The following CSMD1 variants were observed in gnomAD, a reference collection of about 807,000 sequenced individuals.
The protein encoded by CSMD1 is CUB and sushi domain-containing protein 1.
CSMD1 carries 213 observed loss-of-function variants against 417.5 expected under a neutral mutation model. The ratio of observed to expected loss-of-function variants is 0.51; its 90% CI spans 0.46 to 0.57. The LOEUF is 0.57. Ranked by LOEUF, CSMD1 falls within the 20% of genes least tolerant of loss-of-function variation. CSMD1 has a pLI of 0.00. For synonymous variants in CSMD1, 2,862 were observed against 1,736.8 expected (o/e 1.65, Z -16.11); for missense variants, 6,923 against 4,529.7 (o/e 1.53, Z -15.17).
chr8:3,304,893 C>A (rs1467705384), intron 25 of CSMD1, among the ~76,000 whole-genome samples: 1 of 151,996 alleles, frequency 6.6e-6, no homozygotes, highest in Non-Finnish European at 1.5e-5. Flanking sequence ...ATGTGAAATT[C>A]TTCTAAAAGA....
intron 54 of CSMD1, among the ~76,000 whole-genome samples, chr8:2,997,132 T>A (rs1465237597): frequency 6.6e-6 from 1 of 152,198 alleles, no homozygotes; most frequent in Non-Finnish European, 1.5e-5. Context: ...GTTTCATCAG[T>A]GTGTTGGTCA....
At chr8:3,222,166 G>T (rs1019462989) in intron 28 of CSMD1, among the ~76,000 whole-genome samples, 2 of 152,110 alleles carry the variant, frequency 1.3e-5, no homozygotes, top group African/African-American at 4.8e-5. Context: ...GTTGGGAGAG[G>T]CTTAGAGATT....
At chr8:4,298,835 A>C (rs28411109) in intron 3 of CSMD1, among the ~76,000 whole-genome samples, 44 of 152,018 alleles carry the variant, frequency 2.9e-4, no homozygotes, top group Admixed American at 2.4e-3. Context: ...AAGTATAATA[A>C]AAAATTATTT....
At chr8:4,723,811 AC>A (rs1420939659) in intron 1 of CSMD1, among the ~76,000 whole-genome samples, 112 of 151,002 alleles carry the variant, frequency 7.4e-4, no homozygotes, top group South Asian at 1.5e-3. Context: ...CAAAAAAAAA[AC>A]AAAACAAAAC....
intron 1 of CSMD1, among the ~76,000 whole-genome samples, chr8:4,927,600 A>T (rs149311326): frequency 0.011 from 1,629 of 152,270 alleles, 15 homozygotes; most frequent in Non-Finnish European, 0.018. Flanking sequence ...GAGGTTCTTC[A>T]TGGCATCCTA....
intron 3 of CSMD1, among the ~76,000 whole-genome samples, chr8:4,051,915 T>TCTTA (rs1461421449): frequency 2.3e-4 from 32 of 137,100 alleles, no homozygotes; most frequent in African/African-American, 8.9e-4. Flanking sequence ...TTCCTTCCTT[T>TCTTA]CTTTCTTTTT....
At chr8:3,411,582 T>C (rs1287248407) in intron 12 of CSMD1, among the ~76,000 whole-genome samples, 1 of 151,308 alleles carries the variant, frequency 6.6e-6, no homozygotes, top group East Asian at 2.0e-4. Flanking sequence ...CTTAGAATAA[T>C]AGTCTCCAAT....
intron 2 of CSMD1, among the ~76,000 whole-genome samples, chr8:4,457,079 G>A (rs916071520): frequency 6.6e-6 from 1 of 151,784 alleles, no homozygotes; most frequent in Non-Finnish European, 1.5e-5. Flanking sequence ...GGTGTGTCTG[G>A]CACAGAGAAA....
intron 2 of CSMD1, among the ~76,000 whole-genome samples, chr8:4,605,662 GC>G (rs1179553385): frequency 6.6e-6 from 1 of 152,090 alleles, no homozygotes; most frequent in Admixed American, 6.5e-5. Context: ...TCCTTATAAT[GC>G]TTTAACATAT....
intron 8 of CSMD1, among the ~76,000 whole-genome samples, chr8:3,609,998 C>G (rs2469332): frequency 0.12 from 18,394 of 151,662 alleles, 1,203 homozygotes; most frequent in Non-Finnish European, 0.14. Context: ...GACAGGATTT[C>G]AACTTGTTGG....
At chr8:3,292,160 G>A (rs1262475831) in intron 25 of CSMD1, among the ~76,000 whole-genome samples, 2 of 152,178 alleles carry the variant, frequency 1.3e-5, no homozygotes, top group African/African-American at 4.8e-5. Flanking sequence ...TTTATCTTGA[G>A]TTCTAGTTTG....
intron 3 of CSMD1, among the ~76,000 whole-genome samples, chr8:4,342,818 A>G (rs1800556330): frequency 6.6e-6 from 1 of 151,732 alleles, no homozygotes; most frequent in Admixed American, 6.6e-5. Flanking sequence ...CTGCCACAAC[A>G]TCGCAAAGAA....
intron 3 of CSMD1, among the ~76,000 whole-genome samples, chr8:4,186,138 C>A (rs1403192718): frequency 6.6e-6 from 1 of 152,100 alleles, no homozygotes; most frequent in Non-Finnish European, 1.5e-5. Context: ...GATTTGGCAT[C>A]CAGAGGCCAC....
chr8:3,877,139 T>G (rs1259248160), intron 5 of CSMD1, among the ~76,000 whole-genome samples: 1 of 152,190 alleles, frequency 6.6e-6, no homozygotes, highest in Non-Finnish European at 1.5e-5. Flanking sequence ...AATTTTGCAC[T>G]TTCCCCATCC....
At chr8:4,134,999 C>T (rs1420592461) in intron 3 of CSMD1, among the ~76,000 whole-genome samples, 4 of 152,214 alleles carry the variant, frequency 2.6e-5, no homozygotes, top group African/African-American at 4.8e-5. Context: ...TTCTCTTCTG[C>T]CTCTAGAATT....
chr8:3,267,633 G>C (rs1323194018), intron 26 of CSMD1, among the ~76,000 whole-genome samples: 2 of 152,168 alleles, frequency 1.3e-5, no homozygotes, highest in Admixed American at 6.5e-5. Context: ...ATGTGTCCCG[G>C]CAAAAGCAAA....
At chr8:4,188,048 C>T (rs1798787122) in intron 3 of CSMD1, among the ~76,000 whole-genome samples, 1 of 151,946 alleles carries the variant, frequency 6.6e-6, no homozygotes, top group Non-Finnish European at 1.5e-5. Context: ...AAACTTCGTC[C>T]TAGTCATAGG....
At chr8:4,121,737 G>T (rs190616543) in intron 3 of CSMD1, among the ~76,000 whole-genome samples, 3 of 151,708 alleles carry the variant, frequency 2.0e-5, no homozygotes, top group Non-Finnish European at 2.9e-5. Context: ...ATGGCAGCAA[G>T]GATAAAACAG....
rs925480256 is a variant in CSMD1 at position 4,402,173 on chromosome 8, T to C, written c.415+17780A>G. On this transcript the variant is annotated intron_variant, in intron 3 of 69. Coordinates refer to ENST00000635120, the MANE Select transcript of CSMD1 (RefSeq NM_033225.6). ...GAGACCAGCCCTAATACCAACCACATCTACTTCTCCAAAATTGCGACTTTC... is the reference window on the plus strand; with the variant it reads ...GAGACCAGCCCTAATACCAACCACACCTACTTCTCCAAAATTGCGACTTTC... Among the ~76,000 whole-genome samples, 3 of 152,046 alleles carry C rather than the reference T, an allele frequency of 2.0e-5. No homozygotes were observed. In the East Asian group the frequency reaches 5.8e-4, roughly 29 times the overall value.
Sources: gnomAD v4.1 joint callset for allele counts (sites outside exome capture counted in the v4.1 genomes callset) on GRCh38, gnomAD v4.1.1 for gene constraint, MANE v1.5 for transcripts, NCBI Gene and HGNC (gene_info 2026-07-23, HGNC 2026-07-21) for gene names.